GABRA5: variants seen among roughly 807,000 people sequenced by gnomAD.
GABRA5 encodes gamma-aminobutyric acid receptor subunit alpha-5.
A neutral mutation model predicts 47.3 loss-of-function variants in GABRA5; 18 were observed. The observed-to-expected ratio is 0.38, with a 90% CI of 0.26 to 0.56. GABRA5 has a LOEUF of 0.56. Among genes scored for constraint, GABRA5 ranks in the 20% least tolerant of loss-of-function variants. The pLI is 0.71. For synonymous variants in GABRA5, 237 were observed against 229.3 expected (o/e 1.03, Z -0.30); for missense variants, 365 against 599.3 (o/e 0.61, Z 4.08).
At chr15:26,920,454 G>C (rs1363231932) in intron 7 of GABRA5, among the ~76,000 whole-genome samples, 2 of 151,458 alleles carry the variant, frequency 1.3e-5, no homozygotes, top group Non-Finnish European at 2.9e-5. Flanking sequence ...TTTCTTTCTG[G>C]TAATTTAAAA....
intron 7 of GABRA5, among the ~76,000 whole-genome samples, chr15:26,933,695 AGACGTGTTATCTGTTCATCCC>A (rs1894163541): frequency 6.6e-6 from 1 of 152,182 alleles, no homozygotes. Flanking sequence ...GTACCTGGGC[AGACGTGTTATCTGTTCATCCC>A]CATTGGCTTA....
chr15:26,898,212 G>A (rs1893244801), intron 6 of GABRA5, among the ~76,000 whole-genome samples: 1 of 152,138 alleles, frequency 6.6e-6, no homozygotes. Context: ...TTCCAAGTAT[G>A]GAAAAACAAA....
intron 4 of GABRA5, 27 bp downstream of exon 4, chr15:26,880,994 C>T (rs1189525726): frequency 1.2e-6 from 2 of 1,610,510 alleles, no homozygotes; most frequent in African/African-American, 1.3e-5. Context: ...CAGCTGAGCC[C>T]AGCAAGGATC....
At chr15:26,909,390 G>A (rs1893524335) in intron 6 of GABRA5, among the ~76,000 whole-genome samples, 1 of 152,162 alleles carries the variant, frequency 6.6e-6, no homozygotes. Context: ...GAAACATATT[G>A]ACAGGTAGGA....
At chr15:26,916,474 G>A (rs758232949) in intron 7 of GABRA5, among the ~76,000 whole-genome samples, 6 of 152,184 alleles carry the variant, frequency 3.9e-5, no homozygotes, top group Admixed American at 6.5e-5. Context: ...TTTAATTGCT[G>A]TGGCTTTGTA....
chr15:26,934,260 A>G (rs1221405137), intron 7 of GABRA5, among the ~76,000 whole-genome samples: 1 of 151,812 alleles, frequency 6.6e-6, no homozygotes, highest in African/African-American at 2.4e-5. Flanking sequence ...AAAAAAAAAA[A>G]AAAAAAAGAA....
intron 6 of GABRA5, among the ~76,000 whole-genome samples, chr15:26,895,729 C>G (rs1336125875): frequency 6.6e-6 from 1 of 150,566 alleles, no homozygotes; most frequent in Non-Finnish European, 1.5e-5. Flanking sequence ...AGGAGAATCG[C>G]TTGAACCCGG....
rs867999464 is a variant in GABRA5 at position 26,940,010 on chromosome 15, GA to G, written c.811del (p.Thr271ProfsTer2). The G allele has an allele frequency of 6.2e-7, 1 of 1,613,860 alleles. No individual in the cohort carries two copies. On this transcript the variant is annotated frameshift_variant, in exon 9 of 11. Coordinates refer to ENST00000335625, the MANE Select transcript of GABRA5 (RefSeq NM_000810.4). LOFTEE classifies it high-confidence loss of function. ...VIQTYLPCIM[T>X]VILSQVSFWL... ...TCCAGACCTACCTTCCCTGCATAAT[GA>G]CCGTGATCTTATCACAGGTGTCCTT...
At chr15:26,931,466 G>C (rs1019080589) in intron 7 of GABRA5, among the ~76,000 whole-genome samples, 1 of 151,996 alleles carries the variant, frequency 6.6e-6, no homozygotes, top group African/African-American at 2.4e-5. Context: ...ATCACCTCCC[G>C]AAGGCTCTTA....
intron 10 of GABRA5, among the ~76,000 whole-genome samples, chr15:26,945,327 A>G (rs1894485699): frequency 6.6e-6 from 1 of 152,206 alleles, no homozygotes; most frequent in Admixed American, 6.5e-5. Flanking sequence ...GTTCCATGGA[A>G]GTAGAGAGGA....
At chr15:26,905,671 T>C (rs1439578927) in intron 6 of GABRA5, among the ~76,000 whole-genome samples, 1 of 140,258 alleles carries the variant, frequency 7.1e-6, no homozygotes. Flanking sequence ...TTTTTCTTCA[T>C]TTTTTTTCTT....
At chr15:26,937,571 G>A (rs1218534110) in intron 8 of GABRA5, among the ~76,000 whole-genome samples, 1 of 152,192 alleles carries the variant, frequency 6.6e-6, no homozygotes, top group Non-Finnish European at 1.5e-5. Context: ...GTGGCCGGGG[G>A]TTGCGGTGGA....
Position 26,924,931 on chromosome 15 carries a change from C to T in GABRA5, c.580+10046C>T, listed in dbSNP as rs189253169. Among the ~76,000 whole-genome samples the T allele has an allele frequency of 4.9e-3, 749 of 152,260 alleles. 5 individuals are homozygous for T. The highest frequency in any genetic ancestry group is 7.6e-3 in the Non-Finnish European group (520 of 68,018). ...GACAGTCACCACTAGGCCATCCCTT[C>T]GGTTCCAAGACCTATCTGCCTGCTT... On this transcript the variant is annotated intron_variant, in intron 7 of 10. Coordinates refer to ENST00000335625, the MANE Select transcript of GABRA5 (RefSeq NM_000810.4).
chr15:26,946,360 G>A (rs74006537), intron 10 of GABRA5, among the ~76,000 whole-genome samples: 2 of 151,442 alleles, frequency 1.3e-5, no homozygotes, highest in East Asian at 1.9e-4. Flanking sequence ...TAACACTTAC[G>A]TATGCCTGTG....
intron 8 of GABRA5, chr15:26,939,578 C>G: frequency 1.6e-6 from 1 of 608,696 alleles, no homozygotes; most frequent in East Asian, 2.7e-5. Flanking sequence ...TGAGTTACAT[C>G]TGGGGAGGCT....
intron 6 of GABRA5, among the ~76,000 whole-genome samples, chr15:26,904,489 C>G (rs1185957457): frequency 6.6e-6 from 1 of 151,896 alleles, no homozygotes; most frequent in Non-Finnish European, 1.5e-5. Context: ...AGTTTTTCTA[C>G]TGTTGTGAAG....
intron 10 of GABRA5, 42 bp from the exon 11 acceptor site, chr15:26,947,891 GC>G (rs1566890544): frequency 1.3e-6 from 2 of 1,511,170 alleles, no homozygotes; most frequent in Non-Finnish European, 1.8e-6. Context: ...GCTGACCATT[GC>G]CTGCAAATGG....
Position 26,883,276 on chromosome 15 carries a change from G to C in GABRA5, c.276+43G>C, listed in dbSNP as rs1349876835. The C allele has an allele frequency of 6.2e-7, 1 of 1,611,274 alleles. No homozygotes were observed. The highest frequency in any genetic ancestry group is 1.7e-4 in the Middle Eastern group (1 of 6,056). On this transcript the variant is annotated intron_variant, in intron 5 of 10. Coordinates refer to ENST00000335625, the MANE Select transcript of GABRA5 (RefSeq NM_000810.4). This position sits in a 1 kb window ranked among gnomAD's most constrained non-coding sequence, Gnocchi z 4.8. ...GCTGGGCAGACAATTCTTACTCCGC[G>C]CCGCAGGCCCCCGCCCAGGCCCCGT...
intron 7 of GABRA5, among the ~76,000 whole-genome samples, chr15:26,924,068 T>G (rs1208568453): frequency 6.6e-6 from 1 of 151,992 alleles, no homozygotes; most frequent in East Asian, 1.9e-4. Flanking sequence ...TCTGCTTGAT[T>G]TATTTTTATT....
Sources: gnomAD v4.1 joint callset for allele counts (sites outside exome capture counted in the v4.1 genomes callset) on GRCh38, gnomAD v4.1.1 for gene constraint, Gnocchi (gnomAD v3.1) non-coding constraint, MANE v1.5 for transcripts, NCBI Gene and HGNC (gene_info 2026-07-23, HGNC 2026-07-21) for gene names.